Variants in ESRRB observed in about 807,000 individuals in gnomAD.
ESRRB encodes the protein estrogen related receptor beta.
Under a neutral mutation model 46.0 loss-of-function variants are expected in ESRRB, and 16 were observed. That is an observed-to-expected ratio of 0.35 (90% CI 0.24 to 0.53). The LOEUF is 0.53. ESRRB is among the 20% of genes least tolerant of loss of function. ESRRB has a pLI of 0.93. For synonymous variants in ESRRB, 246 were observed against 259.6 expected, an observed-to-expected ratio of 0.95 and a Z score of 0.50; for missense variants, 488 against 607.4, an observed-to-expected ratio of 0.80 and a Z score of 2.07.
rs74068646 is a variant in ESRRB at position 76,446,309 on chromosome 14, G to A, written c.460+6559G>A. Among the ~76,000 whole-genome samples the A allele has an allele frequency of 4.7e-3, 711 of 151,976 alleles. 8 individuals carry two copies. The highest frequency in any genetic ancestry group is 0.016 in the African/African-American group (677 of 41,464). On this transcript the variant is annotated intron_variant, in intron 2 of 6. Coordinates refer to ENST00000644823, the MANE Select transcript of ESRRB (RefSeq NM_001379180.1). ...AATCAACTCCTAGTAGTGCATGTTA[G>A]TGTTTATTCCAACCCTGCCCAATTC...
At chr14:76,411,160 A>G (rs1242786919) in intron 1 of ESRRB, among the ~76,000 whole-genome samples, 1 of 151,974 alleles carries the variant, frequency 6.6e-6, no homozygotes, top group African/African-American at 2.4e-5. Flanking sequence ...AACAGGATGC[A>G]AGGCTGGGCA....
intron 2 of ESRRB, among the ~76,000 whole-genome samples, chr14:76,458,840 CTTTTTTT>C: frequency 7.9e-6 from 1 of 126,276 alleles, no homozygotes; most frequent in East Asian, 2.2e-4. Flanking sequence ...TCACCCTCTC[CTTTTTTT>C]TTTTTTTTTT....
rs571905110 is a variant in ESRRB, at chr14:76,412,414, C to A, written c.51-26927C>A. 3.3e-4 allele frequency among the ~76,000 whole-genome samples: 51 copies of A among 152,286 alleles called. No homozygotes were observed. In the South Asian group the frequency reaches 7.5e-3, roughly 22 times the overall value. On this transcript the variant is annotated intron_variant, in intron 1 of 6. Transcript: ENST00000644823. ...GATGTGGTTTCAGTCTTGTGGGAAC[C>A]AGTGGGCTGAGCCCCTTTCTTTACC...
At chr14:76,353,198 A>AC (rs901753125) in intron 1 of ESRRB, among the ~76,000 whole-genome samples, 1 of 151,990 alleles carries the variant, frequency 6.6e-6, no homozygotes. Context: ...AGAGGGCAGC[A>AC]CCCCCTTATC....
chr14:76,338,048 A>G (rs1289190868), intron 1 of ESRRB, among the ~76,000 whole-genome samples: 1 of 152,062 alleles, frequency 6.6e-6, no homozygotes, highest in Non-Finnish European at 1.5e-5. Flanking sequence ...AGTCTCTGCA[A>G]TTCTCCCCTC....
At chr14:76,414,234 C>A (rs1196528968) in intron 1 of ESRRB, among the ~76,000 whole-genome samples, 1 of 111,312 alleles carries the variant, frequency 9.0e-6, no homozygotes, top group Non-Finnish European at 1.8e-5. Flanking sequence ...TGCCCTGAAG[C>A]ACAAAAACCC....
In ESRRB at chr14:76,467,580, C is replaced by A. The variant is rs55954840; in HGVS notation, c.577+4919C>A. Among the ~76,000 whole-genome samples the A allele has an allele frequency of 4.3e-3, 659 of 152,100 alleles. 8 individuals carry two copies. The highest frequency in any genetic ancestry group is 0.015 in the African/African-American group (631 of 41,456). On this transcript the variant is annotated intron_variant, in intron 3 of 6. Transcript: ENST00000644823. ...ACACTCAGCTTTTCATCAGTCTGCC[C>A]CTTGTGTTTGGGGAGGCAGACTGGT... is the stretch of plus-strand genomic sequence containing the variant.
intron 1 of ESRRB, among the ~76,000 whole-genome samples, chr14:76,357,633 T>C (rs1884398369): frequency 6.6e-6 from 1 of 152,204 alleles, no homozygotes; most frequent in African/African-American, 2.4e-5. Context: ...TCTGCCTCAG[T>C]CTTCCAAGTA....
At chr14:76,406,514 G>A (rs1283357062) in intron 1 of ESRRB, among the ~76,000 whole-genome samples, 1 of 152,150 alleles carries the variant, frequency 6.6e-6, no homozygotes, top group African/African-American at 2.4e-5. Flanking sequence ...GGGAGACTGA[G>A]GCAGGTGGAT....
chr14:76,441,509 A>G (rs147368511), intron 2 of ESRRB, among the ~76,000 whole-genome samples: 313 of 152,192 alleles, frequency 2.1e-3, no homozygotes, highest in African/African-American at 7.1e-3. Flanking sequence ...ATGGAGTCTC[A>G]CCATGTAGCC....
intron 1 of ESRRB, chr14:76,311,056 A>G: frequency 2.7e-6 from 1 of 375,556 alleles, no homozygotes; most frequent in Non-Finnish European, 5.2e-6. Flanking sequence ...CTGTTCTTTC[A>G]TCCTGGTTTT....
Position 76,482,542 on chromosome 14 carries a change from C to A in ESRRB, c.689-56C>A. 2 of 1,605,546 alleles carry A rather than the reference C, an allele frequency of 1.2e-6. No homozygotes were observed. The highest frequency in any genetic ancestry group is 8.5e-7 in the Non-Finnish European group (1 of 1,172,796). On this transcript the variant is annotated intron_variant, in intron 4 of 6. Coordinates refer to ENST00000644823, the MANE Select transcript of ESRRB (RefSeq NM_001379180.1). This position sits in a 1 kb window ranked among gnomAD's most constrained non-coding sequence, Gnocchi z 4.3. Reference sequence around the variant, plus strand: ...GCTTCCTGACCCATCTGAGCCTCCACCCCGGCCCCTTTCCTCTTTTCCCAG... The same window carrying A: ...GCTTCCTGACCCATCTGAGCCTCCAACCCGGCCCCTTTCCTCTTTTCCCAG...
Position 76,499,899 on chromosome 14 carries a change from G to C in ESRRB, c.*1441G>C, listed in dbSNP as rs907644973. 1.2e-6 allele frequency: 2 copies of C among 1,614,076 alleles called. No homozygotes were observed. The highest frequency in any genetic ancestry group is 1.7e-6 in the Non-Finnish European group (2 of 1,180,038). On this transcript the variant is annotated 3_prime_UTR_variant, in exon 7 of 7. Coordinates refer to ENST00000644823, the MANE Select transcript of ESRRB (RefSeq NM_001379180.1). ...GCAGCTTAGAGGATCTCCCAAGGATGAAAGAATGTCAAGCCATGATGGAAA... is the reference window on the plus strand; with the variant it reads ...GCAGCTTAGAGGATCTCCCAAGGATCAAAGAATGTCAAGCCATGATGGAAA...
chr14:76,372,208 A>G (rs2139782768), upstream of ESRRB, among the ~76,000 whole-genome samples: 1 of 152,304 alleles, frequency 6.6e-6, no homozygotes, highest in South Asian at 2.1e-4. Flanking sequence ...GTGTTTGTCT[A>G]GATCTCTGAC....
intron 1 of ESRRB, among the ~76,000 whole-genome samples, chr14:76,358,401 AAGAAAGAAAGAAAAGAAAAG>A: frequency 7.7e-6 from 1 of 129,558 alleles, no homozygotes; most frequent in Non-Finnish European, 1.7e-5. Context: ...GAAAGAAAGA[AAGAAAGAAAGAAAAGAAAAG>A]AAAAAGAAAA....
chr14:76,367,837 C>A (rs955027190), upstream of ESRRB, among the ~76,000 whole-genome samples: 1 of 152,176 alleles, frequency 6.6e-6, no homozygotes, highest in African/African-American at 2.4e-5. Flanking sequence ...GACAACCCAT[C>A]CCTCCTTGTC....
In ESRRB at chr14:76,314,729, G is replaced by A. The variant is rs115311257; in HGVS notation, c.2+3813G>A. On this transcript the variant is annotated intron_variant, in intron 1 of 6. Coordinates refer to the ESRRB transcript ENST00000512784. Reference sequence around the variant, plus strand: ...GGTCTCCAGCCAGAGAAGCAACTTGGCCAAGGTCGAGCAATGTCAAGGCCA... The same window carrying A: ...GGTCTCCAGCCAGAGAAGCAACTTGACCAAGGTCGAGCAATGTCAAGGCCA... Among the ~76,000 whole-genome samples the A allele has an allele frequency of 1.3e-3, 203 of 152,044 alleles. 2 individuals carry two copies. The highest frequency in any genetic ancestry group is 4.5e-3 in the African/African-American group (188 of 41,356).
chr14:76,482,857 A>G lies in ESRRB; in HGVS notation c.850+98A>G. 1.4e-6 allele frequency: 2 copies of G among 1,444,418 alleles called. No homozygotes were observed. The highest frequency in any genetic ancestry group is 1.9e-6 in the Non-Finnish European group (2 of 1,037,378). 89.5% of individuals were successfully genotyped at this position (1,444,418 alleles called of 1,614,324 possible). ...TGTGCTTCTGATGCCCGGATCCTGG[A>G]CCCCAGAAGGCCTGTGAAATCCTGG... On this transcript the variant is annotated intron_variant, in intron 5 of 6. Transcript: ENST00000644823. The surrounding 1 kb of genome is among the most constrained non-coding windows in gnomAD (Gnocchi z 4.3).
chr14:76,463,445 G>GTTTTTTTTGTTTTGTTTTTTTTTTTT (rs1362309981), intron 3 of ESRRB: 1 of 114,738 alleles, frequency 8.7e-6, no homozygotes, highest in African/African-American at 3.7e-5. Flanking sequence ...ATGCTTCTTT[G>GTTTTTTTTGTTTTGTTTTTTTTTTTT]TTTTTTTTTT....
Sources: allele counts gnomAD v4.1 joint callset (sites outside exome capture counted in the v4.1 genomes callset), GRCh38; gene constraint gnomAD v4.1.1; non-coding constraint Gnocchi (gnomAD v3.1); transcripts MANE v1.5; gene names NCBI Gene and HGNC (gene_info 2026-07-23, HGNC 2026-07-21).